Variants in NIBAN2 observed in about 807,000 individuals in gnomAD.
NIBAN2 encodes the protein niban apoptosis regulator 2, also known as protein Niban 2.
In NIBAN2, 36 loss-of-function variants were observed where a neutral mutation model predicts 81.8. The observed-to-expected ratio is 0.44, with a 90% CI of 0.34 to 0.58. The LOEUF is 0.58. Ranked by LOEUF, NIBAN2 falls within the 20% of genes least tolerant of loss-of-function variation. The pLI, the probability that NIBAN2 is intolerant of heterozygous loss-of-function variation, is 0.02. For synonymous variants in NIBAN2, 445 were observed against 441.6 expected, an observed-to-expected ratio of 1.01 and a Z score of -0.10; for missense variants, 897 against 1,014.1, an observed-to-expected ratio of 0.88 and a Z score of 1.57.
At chr9:127,518,374 G>C (rs1191467138) in intron 5 of NIBAN2, among the ~76,000 whole-genome samples, 1 of 152,194 alleles carries the variant, frequency 6.6e-6, no homozygotes, top group Non-Finnish European at 1.5e-5. Context: ...GGCACCCAGA[G>C]ACCCTTGTTC....
Position 127,506,830 on chromosome 9 carries a change from C to T in NIBAN2, c.*15G>A. On this transcript the variant is annotated 3_prime_UTR_variant, in exon 14 of 14. Transcript: ENST00000373312. ...AACGGCCTGTGCCATGTGCAGCAGT[C>T]AGGGACCCACTGGCCTAGAACTCAG... 6.3e-7 allele frequency: 1 copy of T among 1,588,784 alleles called. No homozygotes were observed. Among genetic ancestry groups the T allele is most frequent in the African/African-American group, 1.3e-5 (1 of 74,306 alleles).
intron 1 of NIBAN2, among the ~76,000 whole-genome samples, chr9:127,547,855 C>CA (rs929553082): frequency 1.9e-4 from 29 of 151,874 alleles, no homozygotes; most frequent in South Asian, 8.3e-4. Context: ...AAAAAACAAA[C>CA]AAAAAAAACC....
At chr9:127,548,328 T>C (rs1837512181) in intron 1 of NIBAN2, among the ~76,000 whole-genome samples, 1 of 152,034 alleles carries the variant, frequency 6.6e-6, no homozygotes, top group South Asian at 2.1e-4. Context: ...GCCCCCCTGC[T>C]CTGTGACACT....
At chr9:127,543,935 T>C (rs1179649774) in intron 1 of NIBAN2, among the ~76,000 whole-genome samples, 1 of 152,204 alleles carries the variant, frequency 6.6e-6, no homozygotes, top group African/African-American at 2.4e-5. Context: ...GTCAACATTG[T>C]TTCATTTAAC....
At chr9:127,534,630 A>G (rs1265727936) in intron 1 of NIBAN2, among the ~76,000 whole-genome samples, 1 of 151,690 alleles carries the variant, frequency 6.6e-6, no homozygotes, top group East Asian at 1.9e-4. Flanking sequence ...ATGCCCCCCA[A>G]CCCCTCTCCA....
chr9:127,544,308 G>C (rs1837432819), intron 1 of NIBAN2, among the ~76,000 whole-genome samples: 1 of 152,082 alleles, frequency 6.6e-6, no homozygotes, highest in African/African-American at 2.4e-5. Flanking sequence ...GCTCAGAACA[G>C]CCTCTCTGGG....
chr9:127,507,987 G>A lies in NIBAN2; in HGVS notation c.1543-9C>T. The A allele has an allele frequency of 6.2e-7, 1 of 1,614,030 alleles. No homozygotes were observed. The highest frequency in any genetic ancestry group is 8.5e-7 in the Non-Finnish European group (1 of 1,179,972). ...TGGAACCGGGGCAGCTCCTGCCCGG[G>A]TGGGGCGGCAGAGATGAGAGGTCAG... On this transcript the variant is annotated splice_polypyrimidine_tract_variant and intron_variant, in intron 12 of 13. Transcript: ENST00000373312. This position sits in a 1 kb window ranked among gnomAD's most constrained non-coding sequence, Gnocchi z 6.8.
rs1252957569 is a variant in NIBAN2, at chr9:127,514,459, GAAAAT to G, written c.973+2393_973+2397del. On this transcript the variant is annotated intron_variant, in intron 8 of 13. Coordinates refer to ENST00000373312, the MANE Select transcript of NIBAN2 (RefSeq NM_022833.4). ...ACCCACAAAAATTAAAAATGAAAAT[GAAAAT>G]AAAATAAAATAAGAAAACTGCCAGC... Among the ~76,000 whole-genome samples the G allele has an allele frequency of 5.9e-5, 9 of 151,476 alleles. No individual in the cohort carries two copies. In the East Asian group the frequency reaches 1.3e-3, roughly 21 times the overall value.
upstream of NIBAN2, among the ~76,000 whole-genome samples, chr9:127,570,309 A>G (rs377685554): frequency 6.6e-6 from 1 of 152,188 alleles, no homozygotes; most frequent in East Asian, 1.9e-4. Flanking sequence ...TCATTCATGC[A>G]TTCAGTCACT....
At chr9:127,578,952 G>GC in exon 1 of NIBAN2, 1 of 1,608,322 alleles carries the variant, frequency 6.2e-7, no homozygotes, top group Non-Finnish European at 8.5e-7. Context: ...CAGAGTGAGA[G>GC]CCCCAAAAGG....
intron 8 of NIBAN2, among the ~76,000 whole-genome samples, chr9:127,511,518 A>AAG (rs1424961804): frequency 6.6e-6 from 1 of 151,840 alleles, no homozygotes; most frequent in African/African-American, 2.4e-5. Flanking sequence ...AAAAAAAAAA[A>AAG]CCACTGGGGG....
chr9:127,519,537 G>A (rs775927065), intron 5 of NIBAN2, among the ~76,000 whole-genome samples: 6 of 152,240 alleles, frequency 3.9e-5, no homozygotes, highest in African/African-American at 9.6e-5. Flanking sequence ...AGTCACCACC[G>A]GCAGAGAAAA....
intron 1 of NIBAN2, chr9:127,561,031 G>A (rs1374113801): frequency 2.5e-5 from 20 of 797,806 alleles, no homozygotes; most frequent in Non-Finnish European, 2.9e-5. Context: ...TACAAGTCTA[G>A]TTCTTGACAC....
At chr9:127,574,292 A>C (rs1326790896) in intron 1 of NIBAN2, among the ~76,000 whole-genome samples, 1 of 152,130 alleles carries the variant, frequency 6.6e-6, no homozygotes, top group Non-Finnish European at 1.5e-5. Context: ...TGCCACCTAC[A>C]GGTCCTGACT....
At chr9:127,564,756 C>T (rs1837829420) in intron 1 of NIBAN2, among the ~76,000 whole-genome samples, 1 of 151,782 alleles carries the variant, frequency 6.6e-6, no homozygotes, top group South Asian at 2.1e-4. Context: ...GCCTGTAATC[C>T]CAGCTACTCA....
At position 127,514,575 on chromosome 9, in the gene NIBAN2, GAAC is replaced by G. The variant is rs1345523682; in HGVS notation, c.973+2279_973+2281del. On this transcript the variant is annotated intron_variant, in intron 8 of 13. Transcript: ENST00000373312. ...TCTTGCTTCTTCGTTTGAACAAAAA[GAAC>G]AACAGCAATGAAAAATACCTTAGTA... Among the ~76,000 whole-genome samples, 14 of 152,278 alleles carry G rather than the reference GAAC, an allele frequency of 9.2e-5. No individual in the cohort carries two copies. The East Asian group carries it at 1.3e-3, about 15-fold the overall frequency.
At chr9:127,556,456 GCATTCATTCATT>G (rs34149772) in intron 1 of NIBAN2, among the ~76,000 whole-genome samples, 16 of 151,198 alleles carry the variant, frequency 1.1e-4, no homozygotes, top group South Asian at 6.3e-4. Context: ...CCTTGCAATG[GCATTCATTCATT>G]CATTCATTCA....
chr9:127,546,820 T>C (rs1257168895), intron 1 of NIBAN2, among the ~76,000 whole-genome samples: 1 of 151,792 alleles, frequency 6.6e-6, no homozygotes, highest in Non-Finnish European at 1.5e-5. Flanking sequence ...GGAGGCAGAT[T>C]GTCAACAAAA....
chr9:127,538,305 G>T (rs1158616326), intron 1 of NIBAN2, among the ~76,000 whole-genome samples: 1 of 152,066 alleles, frequency 6.6e-6, no homozygotes, highest in African/African-American at 2.4e-5. Flanking sequence ...AGTTTGCCAG[G>T]GATAGGTGCC....
Sources: gnomAD v4.1 joint callset for allele counts (sites outside exome capture counted in the v4.1 genomes callset) on GRCh38, gnomAD v4.1.1 for gene constraint, Gnocchi (gnomAD v3.1) non-coding constraint, MANE v1.5 for transcripts, NCBI Gene and HGNC (gene_info 2026-07-23, HGNC 2026-07-21) for gene names.